NBPF11: variants seen among roughly 807,000 people sequenced by gnomAD.
NBPF11 encodes the protein NBPF member 11.
In NBPF11, 72 loss-of-function variants were observed where a neutral mutation model predicts 93.9. The observed-to-expected ratio is 0.77, with a 90% CI of 0.63 to 0.93. NBPF11 has a LOEUF of 0.93. NBPF11 is among the 40% of genes least tolerant of loss of function. NBPF11 has a pLI of 0.00. For synonymous variants in NBPF11, 224 were observed against 304.9 expected (o/e 0.73, Z 2.76); for missense variants, 705 against 802.2 (o/e 0.88, Z 1.46).
rs1553271992 is a variant in NBPF11 at position 148,123,208 on chromosome 1, C to T, written c.494-407G>A. ...CAAACTTGTCCCACAGTCCTCTATG[C>T]GTCATGAGACTGCACAGGCCCTCCA... is the stretch of plus-strand genomic sequence containing the variant. On this transcript the variant is annotated intron_variant, in intron 7 of 23. Transcript: ENST00000682118. Among the ~76,000 whole-genome samples the T allele has an allele frequency of 4.0e-4, 61 of 151,582 alleles. 1 individual carries two copies. Among genetic ancestry groups the T allele is most frequent in the Admixed American group, 5.9e-4 (9 of 15,236 alleles).
chr1:148,126,719 C>A (rs1230701947), intron 5 of NBPF11, 110 bp downstream of exon 5: 19 of 659,570 alleles, frequency 2.9e-5, no homozygotes, highest in Middle Eastern at 4.0e-4. Context: ...TGTTAAAATA[C>A]CCATTTCTGT....
intron 18 of NBPF11, among the ~76,000 whole-genome samples, 198 bp downstream of exon 18, chr1:148,108,284 G>A (rs1664273864): frequency 6.6e-6 from 1 of 151,824 alleles, no homozygotes; most frequent in Non-Finnish European, 1.5e-5. Flanking sequence ...CTGAGACTAG[G>A]AAGAGAGCCT....
At position 148,122,149 on chromosome 1, in the gene NBPF11, T is replaced by A; in HGVS notation, c.684A>T (p.Lys228Asn). The A allele has an allele frequency of 6.2e-7, 1 of 1,613,138 alleles. No homozygotes were observed. Among genetic ancestry groups the A allele is most frequent in the East Asian group, 2.2e-5 (1 of 44,852 alleles). ...TGACTTTGTCTTCCTCAAATGTGAT[T>A]TTGATGTTCTTGTGAGGCTGGATGG... ...CDSIQPHKNI[K>N]ITFEEDKVNS... The change falls in exon 9 of 24, where the codon AAA becomes AAT. Residue 228 changes from lysine to asparagine, a missense_variant. By Grantham distance (94) the Lys-to-Asn change is moderately conservative (BLOSUM62 0). Around this residue, in one of 12 missense-constraint regions of NBPF11, gnomAD observed 262 missense variants for 223.1 expected, o/e 1.17. Coordinates refer to ENST00000682118, the MANE Select transcript of NBPF11 (RefSeq NM_001385469.3).
intron 2 of NBPF11, 33 bp downstream of exon 2, chr1:148,143,382 C>A (rs1273097073): frequency 6.7e-6 from 5 of 750,314 alleles, no homozygotes; most frequent in Non-Finnish European, 8.7e-6. Context: ...ACTCTCTGAC[C>A]CCATCGAGCT....
intron 15 of NBPF11, among the ~76,000 whole-genome samples, chr1:148,111,462 AAGG>A (rs1191741734): frequency 1.2e-4 from 18 of 151,992 alleles, no homozygotes; most frequent in Non-Finnish European, 1.8e-4. Context: ...CTCTGAGCTA[AAGG>A]AGGATGTGCG....
chr1:148,148,459 C>T (rs1647308086), intron 1 of NBPF11, among the ~76,000 whole-genome samples: 1 of 152,058 alleles, frequency 6.6e-6, no homozygotes, highest in South Asian at 2.1e-4. Context: ...TCAGGGGCCG[C>T]ACACCAATGA....
chr1:148,120,407 T>C (rs1667552443), intron 10 of NBPF11, 94 bp downstream of exon 10: 1 of 769,022 alleles, frequency 1.3e-6, no homozygotes, highest in Non-Finnish European at 2.4e-6. Flanking sequence ...ATGGGGAGGA[T>C]GACATTATTT....
chr1:148,106,904 C>T, intron 20 of NBPF11, 38 bp downstream of exon 20: 4 of 697,926 alleles, frequency 5.7e-6, no homozygotes, highest in Non-Finnish European at 1.0e-5. Context: ...TCTGGAAGGC[C>T]AGGTGGAGGC....
Position 148,122,805 on chromosome 1 carries a change from T to C in NBPF11, c.494-4A>G, listed in dbSNP as rs368823258. 1.2e-6 allele frequency: 2 copies of C among 1,609,828 alleles called. No homozygotes were observed. Among genetic ancestry groups the C allele is most frequent in the Admixed American group, 1.7e-5 (1 of 60,016 alleles). On this transcript the variant is annotated splice_region_variant and splice_polypyrimidine_tract_variant and intron_variant, in intron 7 of 23. Transcript: ENST00000682118. ...TCATCCTCATCTTCGTCATTTTCTA[T>C]AAATACAAAATGTTCGTTCAGATAT...
chr1:148,112,839 T>C (rs1665614613), intron 15 of NBPF11, among the ~76,000 whole-genome samples: 2 of 150,532 alleles, frequency 1.3e-5, no homozygotes, highest in Admixed American at 1.3e-4. Context: ...GAAAAGAATT[T>C]TCAACCAAGA....
chr1:148,116,737 T>C (rs1666649271), intron 12 of NBPF11, among the ~76,000 whole-genome samples: 5 of 151,878 alleles, frequency 3.3e-5, no homozygotes, highest in African/African-American at 1.2e-4. Flanking sequence ...AGGGCCACCA[T>C]CAAGATGTGG....
chr1:148,134,231 C>T (rs1670902167), intron 4 of NBPF11, among the ~76,000 whole-genome samples: 1 of 151,548 alleles, frequency 6.6e-6, no homozygotes, highest in Non-Finnish European at 1.5e-5. Flanking sequence ...GTAAATAATG[C>T]TATGGGACCC....
chr1:148,107,369 TG>T, intron 19 of NBPF11, among the ~76,000 whole-genome samples: 1 of 150,028 alleles, frequency 6.7e-6, no homozygotes, highest in Non-Finnish European at 1.5e-5. Context: ...GACACACTGA[TG>T]AAGGGGTCAA....
Position 148,131,351 on chromosome 1 carries a change from G to A in NBPF11, c.-35-4313C>T, listed in dbSNP as rs80086617. 2.7e-4 allele frequency among the ~76,000 whole-genome samples: 40 copies of A among 150,596 alleles called. 1 individual carries two copies. Among genetic ancestry groups the A allele is most frequent in the South Asian group, 1.0e-3 (5 of 4,812 alleles). On this transcript the variant is annotated intron_variant, in intron 4 of 23. Transcript: ENST00000682118. ...TGAAGAAACTCCCCAGGCCTCCACAGACAAGTTTATTGGAGATCTGAAGGG... is the reference window on the plus strand; with the variant it reads ...TGAAGAAACTCCCCAGGCCTCCACAAACAAGTTTATTGGAGATCTGAAGGG...
chr1:148,124,170 C>G (rs1336393969), intron 6 of NBPF11, 103 bp from the exon 7 acceptor site: 8 of 943,818 alleles, frequency 8.5e-6, no homozygotes, highest in Non-Finnish European at 1.3e-5. Context: ...AGGAGACCTT[C>G]AAGCAGAAGG....
At chr1:148,111,930 A>C (rs1665378141) in intron 15 of NBPF11, among the ~76,000 whole-genome samples, 1 of 150,816 alleles carries the variant, frequency 6.6e-6, no homozygotes, top group Non-Finnish European at 1.5e-5. Context: ...CGAGAAGAGC[A>C]ACCCCAGGAC....
At chr1:148,121,365 T>TTTTTTTTTTTTG (rs1208452574) in intron 9 of NBPF11, among the ~76,000 whole-genome samples, 1 of 145,460 alleles carries the variant, frequency 6.9e-6, no homozygotes, top group Non-Finnish European at 1.5e-5. Context: ...TTTTTTTTTT[T>TTTTTTTTTTTTG]GAGATGCAGT....
intron 1 of NBPF11, chr1:148,146,487 G>A (rs1188768204): frequency 8.7e-6 from 14 of 1,604,200 alleles, no homozygotes; most frequent in South Asian, 7.7e-5. Flanking sequence ...TCCTGCCGCC[G>A]GAGGCCACCT....
intron 4 of NBPF11, among the ~76,000 whole-genome samples, chr1:148,127,947 A>C (rs1188765971): frequency 1.3e-5 from 2 of 151,400 alleles, no homozygotes; most frequent in Middle Eastern, 3.2e-3. Context: ...GAGCCACCGC[A>C]CACGGCCGAC....
Sources: allele counts gnomAD v4.1 joint callset (sites outside exome capture counted in the v4.1 genomes callset), GRCh38; gene constraint gnomAD v4.1.1; regional missense constraint gnomAD v4.1.1; transcripts MANE v1.5; gene names NCBI Gene and HGNC (gene_info 2026-07-23, HGNC 2026-07-21).